Variants in INPP4B observed in about 807,000 individuals in gnomAD.
INPP4B encodes the protein inositol polyphosphate-4-phosphatase type II B.
INPP4B carries 55 observed loss-of-function variants against 122.5 expected under a neutral mutation model. That is an observed-to-expected ratio of 0.45 (90% CI 0.36 to 0.56). The LOEUF (loss-of-function observed/expected upper bound fraction) is 0.56. Among genes scored for constraint, INPP4B ranks in the 20% least tolerant of loss-of-function variants. INPP4B has a pLI of 0.00. For synonymous variants in INPP4B, 403 were observed against 388.7 expected, an observed-to-expected ratio of 1.04 and a Z score of -0.43; for missense variants, 1,000 against 1,097.7, an observed-to-expected ratio of 0.91 and a Z score of 1.26.
chr4:142,366,342 A>C (rs1787480276), intron 7 of INPP4B, among the ~76,000 whole-genome samples: 2 of 152,150 alleles, frequency 1.3e-5, no homozygotes, highest in South Asian at 4.2e-4. Flanking sequence ...CACAAAAAAA[A>C]AAAAGTGTTT....
At chr4:142,462,416 C>T (rs190950265) in intron 3 of INPP4B, among the ~76,000 whole-genome samples, 5 of 152,202 alleles carry the variant, frequency 3.3e-5, no homozygotes, top group Admixed American at 3.3e-4. Flanking sequence ...ATATTAATTT[C>T]TTAATTTCTT....
At chr4:142,089,239 C>T (rs1173808050) in intron 23 of INPP4B, among the ~76,000 whole-genome samples, 2 of 152,018 alleles carry the variant, frequency 1.3e-5, no homozygotes, top group African/African-American at 4.8e-5. Context: ...CTGGAAAGCC[C>T]CTGAGCTTCT....
intron 1 of INPP4B, among the ~76,000 whole-genome samples, chr4:142,797,533 TGAA>T (rs1466232600): frequency 6.6e-6 from 1 of 151,774 alleles, no homozygotes; most frequent in East Asian, 1.9e-4. Context: ...TCCTACAAAA[TGAA>T]GACAGAAAAT....
chr4:142,802,711 C>T (rs1473411419), intron 1 of INPP4B, among the ~76,000 whole-genome samples: 1 of 151,820 alleles, frequency 6.6e-6, no homozygotes, highest in Non-Finnish European at 1.5e-5. Flanking sequence ...CTTACTCAGC[C>T]TACTGAGGCT....
intron 1 of INPP4B, among the ~76,000 whole-genome samples, chr4:142,822,675 A>G (rs1181093441): frequency 1.3e-5 from 2 of 152,134 alleles, no homozygotes; most frequent in Non-Finnish European, 2.9e-5. Flanking sequence ...CCTGGTGCCA[A>G]AAAGGATAGG....
intron 18 of INPP4B, among the ~76,000 whole-genome samples, chr4:142,136,432 G>A (rs922614526): frequency 6.6e-6 from 1 of 152,224 alleles, no homozygotes; most frequent in African/African-American, 2.4e-5. Flanking sequence ...AGAGCACAGG[G>A]CTCTGCTGAG....
At chr4:142,199,566 TCA>T (rs755952497) in intron 14 of INPP4B, among the ~76,000 whole-genome samples, 5 of 152,196 alleles carry the variant, frequency 3.3e-5, no homozygotes, top group South Asian at 2.1e-4. Context: ...GTTTTTCCAC[TCA>T]CACATTTTTT....
intron 2 of INPP4B, among the ~76,000 whole-genome samples, chr4:142,568,188 A>G (rs1330159862): frequency 6.7e-6 from 1 of 149,972 alleles, no homozygotes; most frequent in Non-Finnish European, 1.5e-5. Context: ...GGACAGAATT[A>G]TAAATTACAG....
At chr4:142,612,881 CTG>C (rs1392770683) in intron 2 of INPP4B, among the ~76,000 whole-genome samples, 1 of 152,178 alleles carries the variant, frequency 6.6e-6, no homozygotes, top group East Asian at 1.9e-4. Context: ...AGAACCCTGA[CTG>C]TTAGCTCAAT....
intron 15 of INPP4B, among the ~76,000 whole-genome samples, chr4:142,180,034 A>G (rs1390994): frequency 0.65 from 98,288 of 151,992 alleles, 37,287 homozygotes; most frequent in Non-Finnish European, 0.83. Context: ...GTACAGAGTA[A>G]GAAAGGTCCA....
chr4:142,156,748 C>A (rs1390814991), intron 17 of INPP4B, among the ~76,000 whole-genome samples: 1 of 151,998 alleles, frequency 6.6e-6, no homozygotes, highest in Non-Finnish European at 1.5e-5. Flanking sequence ...GAAAGGACAG[C>A]CTCATAGTGA....
chr4:142,412,798 G>C (rs1804883054), intron 5 of INPP4B, among the ~76,000 whole-genome samples: 1 of 151,686 alleles, frequency 6.6e-6, no homozygotes, highest in South Asian at 2.1e-4. Flanking sequence ...ATTTTCCTTT[G>C]ACATTATTCT....
Position 142,398,434 on chromosome 4 carries a change from AT to A in INPP4B, c.372+4503del, listed in dbSNP as rs1562011413. ...TATATATATATATATATATATATAT[AT>A]ATATATATATAAAACATATTAAACA... is the stretch of plus-strand genomic sequence containing the variant. On this transcript the variant is annotated intron_variant, in intron 7 of 25. Coordinates refer to ENST00000262992, the MANE Select transcript of INPP4B (RefSeq NM_001101669.3). Among the ~76,000 whole-genome samples the A allele has an allele frequency of 7.6e-3, 649 of 84,842 alleles. 27 individuals carry two copies. Among genetic ancestry groups the A allele is most frequent in the African/African-American group, 0.023 (566 of 24,900 alleles). The allele number at this position is 84,842 out of a possible 152,430, so 55.7% of individuals were successfully genotyped here. A position where few individuals can be genotyped will look rare whatever the true frequency, so the allele number is the denominator to read the frequency against.
chr4:142,121,152 T>C (rs1177615304), intron 21 of INPP4B, among the ~76,000 whole-genome samples: 2 of 152,064 alleles, frequency 1.3e-5, no homozygotes, highest in East Asian at 3.9e-4. Context: ...TATGAGCAAT[T>C]TTATTCTTTT....
rs551901763 is a variant in INPP4B at position 142,083,658 on chromosome 4, T to C, written c.2488-1473A>G. On this transcript the variant is annotated intron_variant, in intron 24 of 25. Coordinates refer to ENST00000262992, the MANE Select transcript of INPP4B (RefSeq NM_001101669.3). ...ATGTTTTAATTGTGATTCTTAAACT[T>C]GAATTTATACATCACTATTAATTCA... Among the ~76,000 whole-genome samples, 5 of 152,328 alleles carry C rather than the reference T, an allele frequency of 3.3e-5. No homozygotes were observed. In the East Asian group the frequency reaches 9.6e-4, roughly 29 times the overall value.
rs558746630 is a variant in INPP4B, at chr4:142,096,891, G to A, written c.2375-10635C>T. On this transcript the variant is annotated intron_variant, in intron 23 of 25. Coordinates refer to ENST00000262992, the MANE Select transcript of INPP4B (RefSeq NM_001101669.3). ...TAAAAGAACATTTGACTGGGAGTCA[G>A]AGAACATGGAATTTAGTCTCTCTTC... is the stretch of plus-strand genomic sequence containing the variant. Among the ~76,000 whole-genome samples the A allele has an allele frequency of 8.5e-5, 13 of 152,244 alleles. No homozygotes were observed. In the South Asian group the frequency reaches 2.7e-3, roughly 32 times the overall value.
At chr4:142,645,348 T>C (rs868511459) in intron 2 of INPP4B, among the ~76,000 whole-genome samples, 3 of 152,096 alleles carry the variant, frequency 2.0e-5, no homozygotes, top group Non-Finnish European at 4.4e-5. Context: ...CAGAAAAAAA[T>C]TGAGCAGAAA....
At chr4:142,691,490 C>A (rs1157094326) in intron 2 of INPP4B, among the ~76,000 whole-genome samples, 1 of 151,870 alleles carries the variant, frequency 6.6e-6, no homozygotes, top group East Asian at 1.9e-4. Context: ...AAAAATCAAA[C>A]AAGGGAAAGA....
At chr4:142,167,554 T>C (rs1360800527) in intron 16 of INPP4B, among the ~76,000 whole-genome samples, 1 of 151,632 alleles carries the variant, frequency 6.6e-6, no homozygotes, top group East Asian at 1.9e-4. Flanking sequence ...AACCTAACAT[T>C]AAATTTTTAA....
Sources: allele counts gnomAD v4.1 joint callset (sites outside exome capture counted in the v4.1 genomes callset), GRCh38; gene constraint gnomAD v4.1.1; transcripts MANE v1.5; gene names NCBI Gene and HGNC (gene_info 2026-07-23, HGNC 2026-07-21).